Variants in LSP1 observed in about 807,000 individuals in gnomAD.
LSP1 encodes lymphocyte-specific protein 1.
In LSP1, 32 loss-of-function variants were observed where a neutral mutation model predicts 49.3. The ratio of observed to expected loss-of-function variants is 0.65; its 90% confidence interval spans 0.49 to 0.87. The LOEUF (loss-of-function observed/expected upper bound fraction) is 0.87. LSP1 is among the 40% of genes least tolerant of loss of function. The probability of loss-of-function intolerance (pLI) is 0.00; values close to 1 mark genes in which losing one functional copy is unlikely to be tolerated. For missense variants in LSP1, 428 were observed against 442.6 expected (o/e 0.97, Z 0.30); for synonymous variants, 179 against 178.8 (o/e 1.00, Z -0.01).
At chr11:1,882,603 G>A (rs1032989330) in intron 3 of LSP1, among the ~76,000 whole-genome samples, 2 of 152,208 alleles carry the variant, frequency 1.3e-5, no homozygotes, top group African/African-American at 2.4e-5. Flanking sequence ...CTAGGCGGGC[G>A]AGGCTGCTCC....
chr11:1,890,264 C>T, intron 10 of LSP1: 1 of 713,860 alleles, frequency 1.4e-6, no homozygotes, highest in Non-Finnish European at 2.6e-6. Context: ...GGGCAGCCAC[C>T]ATGCGGGGAG....
intron 1 of LSP1, among the ~76,000 whole-genome samples, chr11:1,872,339 CCAGCCCA>C: frequency 7.3e-6 from 1 of 137,102 alleles, no homozygotes; most frequent in Non-Finnish European, 1.6e-5. Context: ...TGTAGTCACC[CCAGCCCA>C]TGCTGGTAGA....
chr11:1,859,362 T>G (rs536182263), intron 1 of LSP1: 1 of 152,552 alleles, frequency 6.6e-6, no homozygotes, highest in South Asian at 2.1e-4. Flanking sequence ...GTCACTCTCC[T>G]GCTCCATCCC....
rs73410978 is a variant in LSP1, at chr11:1,889,624, G to A, written c.*13+2048G>A. The A allele has an allele frequency of 4.0e-3, 2,459 of 614,056 alleles. 56 individuals carry two copies. Among genetic ancestry groups the A allele is most frequent in the African/African-American group, 0.039 (2,083 of 53,734 alleles). The allele number at this position is 614,056 out of a possible 1,614,324, so 38.0% of individuals were successfully genotyped here. A position where few individuals can be genotyped will look rare whatever the true frequency, so the allele number is the denominator to read the frequency against. ...ACAGGGCATGGGTGAGGGCCTGATG[G>A]TGGGGTAGGGGATGAGGCCCAGGCA... On this transcript the variant is annotated intron_variant, in intron 10 of 10. Transcript: ENST00000311604.
rs1274339078 is a variant in LSP1 at position 1,881,485 on chromosome 11, G to T, written c.245G>T (p.Gly82Val). 1.9e-6 allele frequency: 3 copies of T among 1,579,470 alleles called. No individual in the cohort carries two copies. The highest frequency in any genetic ancestry group is 2.6e-6 in the Non-Finnish European group (3 of 1,162,056). The stretch of plus-strand genomic sequence containing the variant: ...GAACTGGATGAGGACGAGGGCTTTG[G>T]CGACTGGTCCCAGAGGCCAGAGCAG... Reference protein sequence around the residue: ...APELDEDEGFGDWSQRPEQRQ... With the variant: ...APELDEDEGFVDWSQRPEQRQ... The change falls in exon 3 of 11, where the codon GGC becomes GTC. Residue 82 changes from glycine (G) to valine (V), a missense_variant. By Grantham distance (109) the Gly-to-Val change is moderately radical. Transcript: ENST00000311604.
chr11:1,864,240 G>A, intron 1 of LSP1: 1 of 987,770 alleles, frequency 1.0e-6, no homozygotes, highest in African/African-American at 1.7e-5. Context: ...TGATGGTGAG[G>A]GAGGTGGCAG....
intron 1 of LSP1, chr11:1,863,503 G>C (rs1048593602): frequency 6.6e-6 from 1 of 152,302 alleles, no homozygotes; most frequent in African/African-American, 2.4e-5. Context: ...TGCCAGTGCT[G>C]CTGGCTGGAC....
At chr11:1,881,742 C>T (rs1355064304) in intron 3 of LSP1, 146 bp downstream of exon 3, 4 of 825,228 alleles carry the variant, frequency 4.8e-6, no homozygotes, top group Non-Finnish European at 6.6e-6. Flanking sequence ...CCCTTCAGGC[C>T]CTCAACCTGC....
chr11:1,871,483 T>A lies in LSP1; in HGVS notation c.54-8604T>A, dbSNP rs192564941. On this transcript the variant is annotated intron_variant, in intron 1 of 10. Coordinates refer to ENST00000311604, the MANE Select transcript of LSP1 (RefSeq NM_002339.3). ...ATCAAGCCGGTTCTGGACCCTGCTC[T>A]GAGGACGGTCCCTGACCCAGCCTCT... 1.1e-4 allele frequency: 113 copies of A among 986,138 alleles called. 1 individual carries two copies. In the African/African-American group the frequency reaches 1.9e-3, roughly 17 times the overall value. The allele number at this position is 986,138 out of a possible 1,614,324, so 61.1% of individuals were successfully genotyped here.
At chr11:1,886,107 T>C (rs1175734435) in intron 7 of LSP1, among the ~76,000 whole-genome samples, 2 of 148,744 alleles carry the variant, frequency 1.3e-5, no homozygotes, top group East Asian at 4.2e-4. Context: ...CCTTCATTCA[T>C]TCACTGCTCC....
chr11:1,874,126 GT>G (rs1848199157), intron 1 of LSP1, among the ~76,000 whole-genome samples: 1 of 136,342 alleles, frequency 7.3e-6, no homozygotes, highest in Non-Finnish European at 1.6e-5. Flanking sequence ...GCTGGGGACA[GT>G]GGGGGCAGGC....
At chr11:1,864,593 TCTC>T (rs1847727442) in intron 1 of LSP1, among the ~76,000 whole-genome samples, 1 of 151,080 alleles carries the variant, frequency 6.6e-6, no homozygotes, top group East Asian at 2.0e-4. Context: ...TTTTTACTCT[TCTC>T]GGAAGGAGGA....
In LSP1 at chr11:1,866,217, T is replaced by C. The variant is rs116483291; in HGVS notation, c.53+13020T>C. On this transcript the variant is annotated intron_variant, in intron 1 of 10. Coordinates refer to ENST00000311604, the MANE Select transcript of LSP1 (RefSeq NM_002339.3). ...AAGGCTGCCTTGCTTCTTCCTAACC[T>C]GGAGGGCTGTCCTGCTCTGACTTCC... is the stretch of plus-strand genomic sequence containing the variant. 5.2e-3 allele frequency among the ~76,000 whole-genome samples: 788 copies of C among 152,296 alleles called. 7 individuals carry two copies. Among genetic ancestry groups the C allele is most frequent in the African/African-American group, 0.018 (745 of 41,554 alleles).
chr11:1,861,489 T>A (rs1308421824), intron 1 of LSP1, among the ~76,000 whole-genome samples: 1 of 152,194 alleles, frequency 6.6e-6, no homozygotes, highest in African/African-American at 2.4e-5. Context: ...AATGAATGGA[T>A]GGATGGATAG....
At chr11:1,857,386 C>G (rs890418677) in intron 1 of LSP1, among the ~76,000 whole-genome samples, 3 of 152,206 alleles carry the variant, frequency 2.0e-5, no homozygotes, top group African/African-American at 7.2e-5. Flanking sequence ...CTCCGCTACC[C>G]TACGGGCCAG....
intron 10 of LSP1, chr11:1,890,522 A>C (rs1848955421): frequency 2.8e-6 from 2 of 715,924 alleles, no homozygotes; most frequent in Non-Finnish European, 5.2e-6. Context: ...GTGGGGGTCC[A>C]GGGGTTCCCT....
At chr11:1,889,305 G>A (rs1350503715) in intron 10 of LSP1, 1 of 705,544 alleles carries the variant, frequency 1.4e-6, no homozygotes, top group South Asian at 1.5e-5. Context: ...GAGGCTGGCT[G>A]GGGTGTGCTC....
rs753972762 is a variant in LSP1 at position 1,884,351 on chromosome 11, G to T, written c.635+28G>T. ...CTGTCTGTCTGTCTGTCTGCTTTCT[G>T]GGCTCAGATCTTAGGTTTAACCAAG... On this transcript the variant is annotated intron_variant, in intron 6 of 10. Coordinates refer to ENST00000311604, the MANE Select transcript of LSP1 (RefSeq NM_002339.3). The surrounding 1 kb of genome is among the most constrained non-coding windows in gnomAD (Gnocchi z 4.1). 15 of 1,613,876 alleles carry T rather than the reference G, an allele frequency of 9.3e-6. No individual in the cohort carries two copies. In the South Asian group the frequency reaches 1.6e-4, roughly 18 times the overall value.
chr11:1,890,728 A>G lies in LSP1; in HGVS notation c.*14-1045A>G, dbSNP rs541787757. 5.5e-5 allele frequency: 33 copies of G among 604,078 alleles called. No homozygotes were observed. The African/African-American group carries it at 5.5e-4, about 10-fold the overall frequency. The allele number at this position is 604,078 out of a possible 1,614,324, so 37.4% of individuals were successfully genotyped here. A position where few individuals can be genotyped will look rare whatever the true frequency, so the allele number is the denominator to read the frequency against. On this transcript the variant is annotated intron_variant, in intron 10 of 10. Transcript: ENST00000311604. ...GTATTCTGCTTCCTGAGCACCCAGA[A>G]CCTGCCAGGGACATGCTGAGCTCGA...
Sources: allele counts gnomAD v4.1 joint callset (sites outside exome capture counted in the v4.1 genomes callset), GRCh38; gene constraint gnomAD v4.1.1; non-coding constraint Gnocchi (gnomAD v3.1); transcripts MANE v1.5; gene names NCBI Gene and HGNC (gene_info 2026-07-23, HGNC 2026-07-21).